Variants in OSBPL10 observed in about 807,000 individuals in gnomAD.
OSBPL10 encodes the protein oxysterol-binding protein-related protein 10.
A neutral mutation model predicts 81.7 loss-of-function variants in OSBPL10; 49 were observed. That is an observed-to-expected ratio of 0.60 (90% CI 0.48 to 0.76). The LOEUF (loss-of-function observed/expected upper bound fraction) is 0.76. Ranked by LOEUF, OSBPL10 falls within the 30% of genes least tolerant of loss-of-function variation. The pLI is 0.00. For missense variants in OSBPL10, 923 were observed against 987.8 expected (o/e 0.93, Z 0.88); for synonymous variants, 419 against 383.6 (o/e 1.09, Z -1.08).
At chr3:31,857,114 A>AC (rs1700931562) in intron 3 of OSBPL10, among the ~76,000 whole-genome samples, 1 of 151,886 alleles carries the variant, frequency 6.6e-6, no homozygotes, top group South Asian at 2.1e-4. Context: ...TGGCATTCAT[A>AC]CCCCCTGCCC....
Position 31,972,258 on chromosome 3 carries a change from G to A in OSBPL10, c.281+8641C>T, listed in dbSNP as rs112502894. Among the ~76,000 whole-genome samples, 7 of 152,238 alleles carry A rather than the reference G, an allele frequency of 4.6e-5. No individual in the cohort carries two copies. The East Asian group carries it at 9.7e-4, about 21-fold the overall frequency. On this transcript the variant is annotated intron_variant, in intron 1 of 11. Transcript: ENST00000396556. ...ACAAAAATTAGCTGGGTGTGGTGGC[G>A]GACGCCTGTAATTCCAGCTACTCAG...
chr3:31,822,756 TA>T (rs543388256), intron 4 of OSBPL10, among the ~76,000 whole-genome samples: 6 of 150,830 alleles, frequency 4.0e-5, no homozygotes, highest in African/African-American at 1.5e-4. Context: ...CAAAAAACTT[TA>T]AAAAAAATTA....
At chr3:31,808,467 C>A (rs182946459) in intron 4 of OSBPL10, among the ~76,000 whole-genome samples, 1 of 152,198 alleles carries the variant, frequency 6.6e-6, no homozygotes, top group Non-Finnish European at 1.5e-5. Flanking sequence ...ATTTCTTAAA[C>A]AATCAGTGTC....
chr3:32,011,631 T>G (rs920507038), intron 2 of OSBPL10, among the ~76,000 whole-genome samples: 1 of 152,082 alleles, frequency 6.6e-6, no homozygotes, highest in Non-Finnish European at 1.5e-5. Flanking sequence ...CTTCAGACGA[T>G]CAAACTTCTC....
chr3:31,699,739 G>A (rs1357353843), intron 7 of OSBPL10, among the ~76,000 whole-genome samples: 1 of 152,210 alleles, frequency 6.6e-6, no homozygotes, highest in African/African-American at 2.4e-5. Context: ...ACCATCGCAA[G>A]ATACAGCACT....
At chr3:31,867,763 A>AAGGGAGGG (rs111336656) in intron 3 of OSBPL10, among the ~76,000 whole-genome samples, 13 of 136,712 alleles carry the variant, frequency 9.5e-5, no homozygotes, top group African/African-American at 1.6e-4. Flanking sequence ...GGGAGGAAGG[A>AAGGGAGGG]AGGGAGGGAG....
At chr3:32,020,391 T>C (rs1161941372) in intron 2 of OSBPL10, among the ~76,000 whole-genome samples, 1 of 152,224 alleles carries the variant, frequency 6.6e-6, no homozygotes, top group Non-Finnish European at 1.5e-5. Flanking sequence ...TGTCATACTA[T>C]ATGTAGTCTT....
chr3:31,845,637 TCAC>T (rs1700610509), intron 3 of OSBPL10, among the ~76,000 whole-genome samples: 1 of 152,098 alleles, frequency 6.6e-6, no homozygotes, highest in African/African-American at 2.4e-5. Flanking sequence ...GTGTCAGACT[TCAC>T]CAAGAGGAAA....
intron 1 of OSBPL10, among the ~76,000 whole-genome samples, chr3:32,074,653 A>G (rs1699859263): frequency 6.6e-6 from 1 of 152,058 alleles, no homozygotes; most frequent in African/African-American, 2.4e-5. Context: ...AGCCCCATGA[A>G]TAGCAGTGAA....
chr3:31,755,654 A>G (rs1384312726), intron 4 of OSBPL10, among the ~76,000 whole-genome samples: 2 of 152,196 alleles, frequency 1.3e-5, no homozygotes, highest in African/African-American at 4.8e-5. Context: ...ACACTTTATC[A>G]TGTGAGATGA....
intron 7 of OSBPL10, among the ~76,000 whole-genome samples, chr3:31,687,389 T>A (rs769506532): frequency 2.6e-5 from 4 of 152,176 alleles, no homozygotes; most frequent in African/African-American, 9.7e-5. Flanking sequence ...TCTCTAGTGA[T>A]GTACTTTTGA....
intron 4 of OSBPL10, among the ~76,000 whole-genome samples, chr3:31,807,205 C>T (rs1699541057): frequency 6.6e-6 from 1 of 151,488 alleles, no homozygotes; most frequent in South Asian, 2.1e-4. Flanking sequence ...CATGGTGAAA[C>T]CCTGTCTCTA....
chr3:31,930,975 A>G (rs551653035), intron 1 of OSBPL10, among the ~76,000 whole-genome samples: 1 of 129,090 alleles, frequency 7.7e-6, no homozygotes, highest in Non-Finnish European at 1.5e-5. Flanking sequence ...GATCCCCCCC[A>G]CTGCACTCCA....
intron 2 of OSBPL10, among the ~76,000 whole-genome samples, chr3:31,997,996 T>A (rs1192694006): frequency 6.6e-6 from 1 of 152,024 alleles, no homozygotes; most frequent in Admixed American, 6.6e-5. Flanking sequence ...TCCCACTCTG[T>A]TGCCCAGACT....
intron 2 of OSBPL10, among the ~76,000 whole-genome samples, chr3:32,001,079 G>A (rs936901266): frequency 6.6e-6 from 1 of 152,198 alleles, no homozygotes; most frequent in African/African-American, 2.4e-5. Flanking sequence ...TGAGAGATGA[G>A]TGAAGGCATC....
At chr3:31,967,072 G>A (rs1698423718) in intron 1 of OSBPL10, among the ~76,000 whole-genome samples, 1 of 150,986 alleles carries the variant, frequency 6.6e-6, no homozygotes. Flanking sequence ...GATTTAAGCT[G>A]TTACTTCTGA....
chr3:31,697,064 A>T (rs1695743000), intron 7 of OSBPL10, among the ~76,000 whole-genome samples: 1 of 152,212 alleles, frequency 6.6e-6, no homozygotes. Context: ...ATCCTCCTTC[A>T]ATCTGGCCTG....
intron 3 of OSBPL10, among the ~76,000 whole-genome samples, chr3:31,856,883 C>T (rs1324389641): frequency 6.6e-6 from 1 of 152,142 alleles, no homozygotes; most frequent in Non-Finnish European, 1.5e-5. Flanking sequence ...CAAGACCAGC[C>T]TGGCCAGCAT....
rs140264044 is a variant in OSBPL10 at position 32,015,001 on chromosome 3, G to T, written n.298+31490C>A. On this transcript the variant is annotated intron_variant and non_coding_transcript_variant, in intron 2 of 3. Transcript: ENST00000479173. ...CTCATGGATAGGAAGAATCAATATC[G>T]TGAAAATGGCCATACTGCCCAAGGT... Among the ~76,000 whole-genome samples the T allele has an allele frequency of 8.2e-3, 1,245 of 152,238 alleles. 54 individuals are homozygous for T. The East Asian group carries it at 0.15, about 18-fold the overall frequency.
Sources: gnomAD v4.1 joint callset for allele counts (sites outside exome capture counted in the v4.1 genomes callset) on GRCh38, gnomAD v4.1.1 for gene constraint, MANE v1.5 for transcripts, NCBI Gene and HGNC (gene_info 2026-07-23, HGNC 2026-07-21) for gene names.